Variants in NOTCH2 observed in about 807,000 individuals in gnomAD.
NOTCH2 encodes neurogenic locus notch homolog protein 2.
NOTCH2 carries 29 observed loss-of-function variants against 235.8 expected under a neutral mutation model. The ratio of observed to expected loss-of-function variants is 0.12; its 90% CI spans 0.09 to 0.17. The LOEUF is 0.17. NOTCH2 is among the 10% of genes least tolerant of loss of function. NOTCH2 has a pLI of 1.00. For missense variants in NOTCH2, 2,285 were observed against 3,150.2 expected (o/e 0.73, Z 6.57); for synonymous variants, 1,086 against 1,141.5 (o/e 0.95, Z 0.98).
Position 119,999,917 on chromosome 1 carries a change from G to GAGAGAGAAAGAAAGAA in NOTCH2, c.416-2586_416-2585insTTCTTTCTTTCTCTCT. On this transcript the variant is annotated intron_variant, in intron 3 of 33. Transcript: ENST00000256646. Reference sequence around the variant, plus strand: ...AAAGAGAGAGAAAGAGAGAAAGAGAGAGAAAGAAAGAAAGAAAGAAAGAAA... The same window carrying GAGAGAGAAAGAAAGAA: ...AAAGAGAGAGAAAGAGAGAAAGAGAGAGAGAGAAAGAAAGAAAGAAAGAAAGAAAGAAAGAAAGAAA... 2.2e-5 allele frequency among the ~76,000 whole-genome samples: 2 copies of GAGAGAGAAAGAAAGAA among 91,100 alleles called. 1 individual carries two copies. The highest frequency in any genetic ancestry group is 0.01 in the Middle Eastern group (2 of 192). 59.8% of individuals were successfully genotyped at this position (91,100 alleles called of 152,430 possible).
rs2101210619 is a variant in NOTCH2 at position 119,997,036 on chromosome 1, G to A, written c.712C>T (p.Gln238Ter). 6.2e-7 allele frequency: 1 copy of A among 1,614,030 alleles called. No homozygotes were observed. Among genetic ancestry groups the A allele is most frequent in the Non-Finnish European group, 8.5e-7 (1 of 1,179,872 alleles). The change falls in exon 4 of 34, where the codon CAG becomes TAG. Residue 238 changes from glutamine to a stop codon, truncating the protein, a stop_gained. Coordinates refer to ENST00000256646, the MANE Select transcript of NOTCH2 (RefSeq NM_024408.4). LOFTEE classifies it high-confidence loss of function. ...SPCVNGGTCR[Q>*]TGDFTFECNC... ...CACTCAAAAGTGAAGTCACCAGTCTGCCGACAGGTGCCTCCATTGACACAA... is the reference window on the plus strand; with the variant it reads ...CACTCAAAAGTGAAGTCACCAGTCTACCGACAGGTGCCTCCATTGACACAA...
In NOTCH2 at chr1:119,915,400, G is replaced by A. The variant is rs769394073; in HGVS notation, c.7322C>T (p.Thr2441Ile). 1.2e-6 allele frequency: 2 copies of A among 1,614,190 alleles called. No homozygotes were observed. The highest frequency in any genetic ancestry group is 1.7e-6 in the Non-Finnish European group (2 of 1,180,018). ...TCCAGCACCCCCAGGGGTAGGGCTG[G>A]TGGTCACATCTGACCAGTCAGAAGC... is the stretch of plus-strand genomic sequence containing the variant. ...HSASDWSDVT[T>I]SPTPGGAGGG... Residue 2441 changes from threonine to isoleucine, a missense_variant, in exon 34 of 34, where the codon ACC becomes ATC. Transcript: ENST00000256646.
chr1:119,937,465 A>G lies in NOTCH2; in HGVS notation c.3339T>C (p.Gly1113=). 1.2e-6 allele frequency: 2 copies of G among 1,613,060 alleles called. No individual in the cohort carries two copies. Among genetic ancestry groups the G allele is most frequent in the Admixed American group, 1.7e-5 (1 of 59,922 alleles). ...GCTGGCACAAGTGTTCAACAAGCAC[A>G]CCTGGGAAACCCAGTGAGGGAGAAA... ...VSCDIAASRR[G]VLVEHLCQHS... The change falls in exon 21 of 34, where the codon GGT becomes GGC. Residue 1113 remains glycine (G), a splice_region_variant and synonymous_variant. Transcript: ENST00000256646.
chr1:119,999,917 GAGAA>G (rs71260137), intron 3 of NOTCH2, among the ~76,000 whole-genome samples: 3,318 of 90,868 alleles, frequency 0.037, 183 homozygotes, highest in Middle Eastern at 0.062. Flanking sequence ...GAGAAAGAGA[GAGAA>G]AGAAAGAAAG....
intron 2 of NOTCH2, among the ~76,000 whole-genome samples, chr1:120,010,702 A>G (rs1163874482): frequency 6.6e-6 from 1 of 152,256 alleles, no homozygotes; most frequent in Non-Finnish European, 1.5e-5. Flanking sequence ...ACAAAAGAAC[A>G]GTCTTCAATG....
Position 119,916,577 on chromosome 1 carries a change from C to T in NOTCH2, c.6145G>A (p.Val2049Met), listed in dbSNP as rs377568421. The T allele has an allele frequency of 6.2e-7, 1 of 1,614,024 alleles. No homozygotes were observed. The highest frequency in any genetic ancestry group is 1.3e-5 in the African/African-American group (1 of 74,902). Reference protein sequence around the residue: ...TDHMDRLPRDVARDRMHHDIV... With the variant: ...TDHMDRLPRDMARDRMHHDIV... ...TCATGGTGCATGCGATCCCGAGCCACATCCCGGGGAAGACGATCCATATGG... is the reference window on the plus strand; with the variant it reads ...TCATGGTGCATGCGATCCCGAGCCATATCCCGGGGAAGACGATCCATATGG... The change falls in exon 34 of 34, where the codon GTG (valine) becomes ATG (methionine). Residue 2049 changes from valine to methionine, a missense_variant. Around this residue, in one of 6 missense-constraint regions of NOTCH2, gnomAD observed 128 missense variants for 255.9 expected, o/e 0.50. Coordinates refer to ENST00000256646, the MANE Select transcript of NOTCH2 (RefSeq NM_024408.4).
Position 119,912,222 on chromosome 1 carries a change from A to G in NOTCH2, c.*3084T>C, listed in dbSNP as rs192711401. The G allele has an allele frequency of 6.7e-4, 156 of 233,330 alleles. No homozygotes were observed. Among genetic ancestry groups the G allele is most frequent in the Admixed American group, 2.2e-4 (4 of 17,798 alleles). The allele number at this position is 233,330 out of a possible 1,614,324, so 14.5% of individuals were successfully genotyped here. ...TATTGGTTACTGGGTTTCTCATACA[A>G]ACAGATATAATATCACTTTTAAGAG... On this transcript the variant is annotated 3_prime_UTR_variant, in exon 34 of 34. Coordinates refer to ENST00000256646, the MANE Select transcript of NOTCH2 (RefSeq NM_024408.4).
At chr1:120,065,793 C>T (rs1553216980) in intron 1 of NOTCH2, among the ~76,000 whole-genome samples, 2 of 152,176 alleles carry the variant, frequency 1.3e-5, no homozygotes, top group African/African-American at 4.8e-5. Flanking sequence ...ACAGGAAAAT[C>T]AGGAAAGGGT....
intron 23 of NOTCH2, among the ~76,000 whole-genome samples, chr1:119,928,128 C>T (rs765204975): frequency 2.0e-5 from 3 of 152,272 alleles, no homozygotes; most frequent in African/African-American, 7.2e-5. Context: ...TATTTTAGTT[C>T]CCAAAAGTCA....
At chr1:119,918,039 A>G (rs1649149343) in intron 32 of NOTCH2, among the ~76,000 whole-genome samples, 2 of 152,178 alleles carry the variant, frequency 1.3e-5, no homozygotes, top group African/African-American at 4.8e-5. Flanking sequence ...TTACATACTG[A>G]AGATAAAAAC....
intron 12 of NOTCH2, among the ~76,000 whole-genome samples, chr1:119,959,053 T>C (rs1650835199): frequency 6.6e-6 from 1 of 152,190 alleles, no homozygotes. Context: ...ACCTTGAATA[T>C]GTCTTTACGG....
At position 119,915,190 on chromosome 1, in the gene NOTCH2, C is replaced by T; in HGVS notation, c.*116G>A. On this transcript the variant is annotated 3_prime_UTR_variant, in exon 34 of 34. Transcript: ENST00000256646. ...TCTGAATAAGAACATCTTCTCTTTC[C>T]TACCTCTAGAAGCTGGCTCCAGAGA... 3 of 1,081,008 alleles carry T rather than the reference C, an allele frequency of 2.8e-6. No homozygotes were observed. Among genetic ancestry groups the T allele is most frequent in the South Asian group, 2.5e-5 (2 of 79,084 alleles). 67.0% of individuals were successfully genotyped at this position (1,081,008 alleles called of 1,614,324 possible).
intron 1 of NOTCH2, among the ~76,000 whole-genome samples, chr1:120,048,312 C>T (rs1654879972): frequency 7.2e-6 from 1 of 138,224 alleles, no homozygotes; most frequent in South Asian, 2.5e-4. Context: ...CCCTTTTTTC[C>T]CCCAAAGTGC....
At chr1:119,960,357 G>T (rs1327015676) in intron 11 of NOTCH2, among the ~76,000 whole-genome samples, 1 of 151,724 alleles carries the variant, frequency 6.6e-6, no homozygotes, top group Non-Finnish European at 1.5e-5. Context: ...GAGGTAAGCT[G>T]CCTTATTTTT....
At chr1:120,000,327 C>A (rs111572916) in intron 3 of NOTCH2, among the ~76,000 whole-genome samples, 2 of 151,960 alleles carry the variant, frequency 1.3e-5, no homozygotes, top group African/African-American at 2.4e-5. Context: ...TGAGGTCAGG[C>A]GATCCAGACC....
intron 3 of NOTCH2, among the ~76,000 whole-genome samples, chr1:120,000,701 A>C (rs1364483581): frequency 9.3e-5 from 14 of 150,160 alleles, no homozygotes; most frequent in Admixed American, 3.3e-4. Context: ...AAATATTTTA[A>C]GTGGGTATAT....
chr1:119,914,630 C>A lies in NOTCH2; in HGVS notation c.*676G>T. 1 of 239,328 alleles carries A rather than the reference C, an allele frequency of 4.2e-6. No homozygotes were observed. Among genetic ancestry groups the A allele is most frequent in the East Asian group, 6.0e-5 (1 of 16,770 alleles). The allele number at this position is 239,328 out of a possible 1,614,324, so 14.8% of individuals were successfully genotyped here. ...GCAGGAGAACACAATACAGTATGTCCATTTTCCAAAGAAACAACATACTTG... is the reference window on the plus strand; with the variant it reads ...GCAGGAGAACACAATACAGTATGTCAATTTTCCAAAGAAACAACATACTTG... On this transcript the variant is annotated 3_prime_UTR_variant, in exon 34 of 34. Coordinates refer to ENST00000256646, the MANE Select transcript of NOTCH2 (RefSeq NM_024408.4).
chr1:119,914,915 C>A lies in NOTCH2; in HGVS notation c.*391G>T. 1 of 371,972 alleles carries A rather than the reference C, an allele frequency of 2.7e-6. No homozygotes were observed. The highest frequency in any genetic ancestry group is 5.0e-6 in the Non-Finnish European group (1 of 200,702). 23.0% of individuals were successfully genotyped at this position (371,972 alleles called of 1,614,324 possible). A position where few individuals can be genotyped will look rare whatever the true frequency, so the allele number is the denominator to read the frequency against. On this transcript the variant is annotated 3_prime_UTR_variant, in exon 34 of 34. Transcript: ENST00000256646. ...CAGGCAGAATTCCAGGGCATAATTCCCAACAGGACGCTAGTGTAGAATCTT... is the reference window on the plus strand; with the variant it reads ...CAGGCAGAATTCCAGGGCATAATTCACAACAGGACGCTAGTGTAGAATCTT...
At chr1:119,969,919 A>AT (rs1383703070) in intron 5 of NOTCH2, among the ~76,000 whole-genome samples, 175 bp from the exon 6 acceptor site, 6 of 152,102 alleles carry the variant, frequency 3.9e-5, no homozygotes, top group Non-Finnish European at 5.9e-5. Context: ...TCTAAATGAT[A>AT]TTTTTTCCAG....
Sources: allele counts gnomAD v4.1 joint callset (sites outside exome capture counted in the v4.1 genomes callset), GRCh38; gene constraint gnomAD v4.1.1; regional missense constraint gnomAD v4.1.1; transcripts MANE v1.5; gene names NCBI Gene and HGNC (gene_info 2026-07-23, HGNC 2026-07-21).